PLPPR4: variants seen among roughly 807,000 people sequenced by gnomAD.
PLPPR4 encodes phospholipid phosphatase-related protein type 4.
PLPPR4 carries 24 observed loss-of-function variants against 56.6 expected under a neutral mutation model. The observed-to-expected ratio is 0.42, with a 90% CI of 0.31 to 0.60. PLPPR4 has a LOEUF of 0.60. Ranked by LOEUF, PLPPR4 falls within the 20% of genes least tolerant of loss-of-function variation. The pLI is 0.13. For synonymous variants in PLPPR4, 326 were observed against 328.1 expected (o/e 0.99, Z 0.07); for missense variants, 654 against 885.8 (o/e 0.74, Z 3.32).
chr1:99,297,930 A>G (rs1018975279), intron 3 of PLPPR4, among the ~76,000 whole-genome samples: 1 of 152,200 alleles, frequency 6.6e-6, no homozygotes, highest in African/African-American at 2.4e-5. Context: ...ACAATGTTCC[A>G]GAGCCTGCAT....
chr1:99,298,205 A>G (rs1659791482), intron 3 of PLPPR4, among the ~76,000 whole-genome samples: 1 of 152,096 alleles, frequency 6.6e-6, no homozygotes, highest in South Asian at 2.1e-4. Context: ...TGAGCAACTC[A>G]TGAATCAGAA....
intron 1 of PLPPR4, among the ~76,000 whole-genome samples, chr1:99,270,894 G>A (rs1163774153): frequency 6.6e-6 from 1 of 152,176 alleles, no homozygotes; most frequent in African/African-American, 2.4e-5. Context: ...AATGCATAAA[G>A]TCTGATGCAA....
chr1:99,295,379 A>T (rs747265777), intron 2 of PLPPR4, among the ~76,000 whole-genome samples: 2 of 152,320 alleles, frequency 1.3e-5, no homozygotes, highest in Non-Finnish European at 2.9e-5. Flanking sequence ...TTTAAAAAAA[A>T]CTATAATTTT....
At chr1:99,271,899 AGTGTGTGTGTGTGTGTGTGTGT>A (rs553822029) in intron 1 of PLPPR4, among the ~76,000 whole-genome samples, 1 of 117,954 alleles carries the variant, frequency 8.5e-6, no homozygotes, top group African/African-American at 3.2e-5. Flanking sequence ...GTAGGAGTGA[AGTGTGTGTGTGTGTGTGTGTGT>A]GTGTGTGTGT....
In PLPPR4 at chr1:99,305,693, T is replaced by C. The variant is rs377579995; in HGVS notation, c.831T>C (p.Tyr277=). ...GGGIALYLGL[Y]AVGNFLPSDE... The stretch of plus-strand genomic sequence containing the variant: ...TTTCTCTCAAACACTAGGGCTTGTA[T>C]GCTGTGGGGAATTTCCTGCCCAGTG... Residue 277 remains tyrosine, a synonymous_variant, in exon 7 of 7, where the codon TAT becomes TAC. Transcript: ENST00000370185. 5 of 1,612,440 alleles carry C rather than the reference T, an allele frequency of 3.1e-6. No individual in the cohort carries two copies. The highest frequency in any genetic ancestry group is 2.5e-6 in the Non-Finnish European group (3 of 1,179,386).
At chr1:99,292,094 C>T (rs2100801775) in intron 2 of PLPPR4, among the ~76,000 whole-genome samples, 1 of 152,262 alleles carries the variant, frequency 6.6e-6, no homozygotes, top group East Asian at 1.9e-4. Context: ...CACAAATGAT[C>T]ATGCCTCTGT....
rs3818465 is a variant in PLPPR4 at position 99,300,475 on chromosome 1, C to G, written c.591-434C>G. ...TAGATCCAATGCCATGAGAAAATAACTTCATTTTTTAAAATTTTTATGTAA... is the reference window on the plus strand; with the variant it reads ...TAGATCCAATGCCATGAGAAAATAAGTTCATTTTTTAAAATTTTTATGTAA... On this transcript the variant is annotated intron_variant, in intron 4 of 6. Transcript: ENST00000370185. Among the ~76,000 whole-genome samples, 657 of 151,964 alleles carry G rather than the reference C, an allele frequency of 4.3e-3. 7 individuals are homozygous for G. In the East Asian group the frequency reaches 0.046, roughly 11 times the overall value.
chr1:99,296,120 A>G (rs1055382280), intron 2 of PLPPR4, among the ~76,000 whole-genome samples: 4 of 152,132 alleles, frequency 2.6e-5, no homozygotes, highest in Non-Finnish European at 5.9e-5. Flanking sequence ...CATTGTTTAG[A>G]TGTCTATATC....
At chr1:99,270,869 C>A (rs1659040378) in intron 1 of PLPPR4, among the ~76,000 whole-genome samples, 1 of 152,178 alleles carries the variant, frequency 6.6e-6, no homozygotes, top group African/African-American at 2.4e-5. Context: ...CAAGTCTCTT[C>A]TCTTTCAAAG....
rs930661551 is a variant in PLPPR4 at position 99,306,690 on chromosome 1, C to T, written c.1828C>T (p.Arg610Cys). 2 of 1,614,056 alleles carry T rather than the reference C, an allele frequency of 1.2e-6. No homozygotes were observed. Among genetic ancestry groups the T allele is most frequent in the Non-Finnish European group, 1.7e-6 (2 of 1,179,998 alleles). Residue 610 changes from arginine to cysteine, a missense_variant, in exon 7 of 7, where the codon CGC becomes TGC. By Grantham distance (180) the Arg-to-Cys change is radical. This residue lies in a region of PLPPR4 where 468 missense variants were observed against 554.3 expected (regional missense o/e 0.84). Transcript: ENST00000370185. The surrounding 1 kb of genome is among the most constrained non-coding windows in gnomAD (Gnocchi z 4.0). ...GAAAGCCCCTGAAAAGGGCAGCCTT[C>T]GCCAAACTTACGAGCTCAACGATCT... The part of the protein sequence containing the change: ...KWKAPEKGSL[R>C]QTYELNDLNR...
chr1:99,268,336 C>T (rs1299864105), intron 1 of PLPPR4, among the ~76,000 whole-genome samples: 1 of 152,172 alleles, frequency 6.6e-6, no homozygotes, highest in African/African-American at 2.4e-5. Flanking sequence ...GTGGCTAGTG[C>T]CCCTCAACAA....
chr1:99,301,074 G>A, intron 5 of PLPPR4, 108 bp downstream of exon 5: 1 of 972,600 alleles, frequency 1.0e-6, no homozygotes, highest in South Asian at 1.4e-5. Context: ...ATAACAGAAT[G>A]GTAAATTTAG....
At chr1:99,301,197 G>T (rs1435301030) in intron 5 of PLPPR4, among the ~76,000 whole-genome samples, 1 of 151,768 alleles carries the variant, frequency 6.6e-6, no homozygotes, top group East Asian at 1.9e-4. Flanking sequence ...ATTTATTCTG[G>T]TATCCCTTTA....
intron 1 of PLPPR4, among the ~76,000 whole-genome samples, chr1:99,283,678 C>A (rs1659387432): frequency 6.6e-6 from 1 of 152,190 alleles, no homozygotes; most frequent in South Asian, 2.1e-4. Flanking sequence ...TGGCTGGGCG[C>A]GGTGGCTCAC....
chr1:99,271,081 T>C (rs950310167), intron 1 of PLPPR4, among the ~76,000 whole-genome samples: 1 of 152,360 alleles, frequency 6.6e-6, no homozygotes, highest in South Asian at 2.1e-4. Flanking sequence ...GTGATTTTTT[T>C]CTACTTTTCT....
chr1:99,288,659 T>A (rs772423587), intron 2 of PLPPR4, among the ~76,000 whole-genome samples: 1 of 152,074 alleles, frequency 6.6e-6, no homozygotes, highest in Non-Finnish European at 1.5e-5. Context: ...CATGCACACA[T>A]ACACATACAT....
chr1:99,286,003 A>G (rs1478242396), intron 1 of PLPPR4, among the ~76,000 whole-genome samples: 1 of 152,168 alleles, frequency 6.6e-6, no homozygotes, highest in Non-Finnish European at 1.5e-5. Flanking sequence ...ATATCTACCT[A>G]CATTAGTGCC....
intron 2 of PLPPR4, among the ~76,000 whole-genome samples, chr1:99,293,407 T>C (rs1180750907): frequency 1.3e-5 from 2 of 152,278 alleles, no homozygotes; most frequent in Middle Eastern, 3.4e-3. Context: ...TCCTTAATAT[T>C]CAATTTTCAT....
chr1:99,282,100 C>G (rs1449314118), intron 1 of PLPPR4, among the ~76,000 whole-genome samples: 2 of 152,152 alleles, frequency 1.3e-5, no homozygotes, highest in Non-Finnish European at 2.9e-5. Context: ...TGACCTCTTA[C>G]TTTAGTAACT....
Sources: allele counts gnomAD v4.1 joint callset (sites outside exome capture counted in the v4.1 genomes callset), GRCh38; gene constraint gnomAD v4.1.1; regional missense constraint gnomAD v4.1.1; non-coding constraint Gnocchi (gnomAD v3.1); transcripts MANE v1.5; gene names NCBI Gene and HGNC (gene_info 2026-07-23, HGNC 2026-07-21).